Variants in NRG3 observed in about 807,000 individuals in gnomAD.
NRG3 encodes neuregulin 3.
A neutral mutation model predicts 66.9 loss-of-function variants in NRG3; 31 were observed. That is an observed-to-expected ratio of 0.46 (90% CI 0.35 to 0.63). The LOEUF is 0.63. Ranked by LOEUF, NRG3 falls within the 20% of genes least tolerant of loss-of-function variation. The pLI, the probability that NRG3 is intolerant of heterozygous loss-of-function variation, is 0.00. For missense variants in NRG3, 910 were observed against 878.9 expected (o/e 1.04, Z -0.45); for synonymous variants, 393 against 359.4 (o/e 1.09, Z -1.06).
chr10:82,308,178 CTGAT>C (rs2080844699), intron 1 of NRG3, among the ~76,000 whole-genome samples: 3 of 152,100 alleles, frequency 2.0e-5, no homozygotes, highest in Admixed American at 6.6e-5. Flanking sequence ...GATTGATTGA[CTGAT>C]TGAGACAGAG....
At chr10:82,508,694 G>A (rs550035435) in intron 2 of NRG3, among the ~76,000 whole-genome samples, 12 of 152,160 alleles carry the variant, frequency 7.9e-5, no homozygotes, top group South Asian at 6.2e-4. Context: ...AGACTTTATC[G>A]TTCAGACTGG....
At chr10:81,969,081 C>T (rs2059833703) in intron 1 of NRG3, among the ~76,000 whole-genome samples, 1 of 152,070 alleles carries the variant, frequency 6.6e-6, no homozygotes. Flanking sequence ...CTCCTGTCAA[C>T]AGTGGAGCAT....
At chr10:82,195,371 A>G (rs1271075560) in intron 1 of NRG3, among the ~76,000 whole-genome samples, 1 of 152,200 alleles carries the variant, frequency 6.6e-6, no homozygotes, top group Non-Finnish European at 1.5e-5. Context: ...AATAAAAATC[A>G]TAAACAAAAC....
intron 4 of NRG3, among the ~76,000 whole-genome samples, chr10:82,889,949 T>G (rs1414348610): frequency 6.6e-6 from 1 of 152,152 alleles, no homozygotes; most frequent in Non-Finnish European, 1.5e-5. Context: ...TCTTCTGTTT[T>G]GACAAAGATA....
intron 4 of NRG3, among the ~76,000 whole-genome samples, chr10:82,932,315 T>A (rs1847651508): frequency 6.6e-6 from 1 of 152,220 alleles, no homozygotes; most frequent in African/African-American, 2.4e-5. Flanking sequence ...ACAATACAAA[T>A]TGAGTAAATT....
At chr10:82,479,664 CAAAAAAAA>C (rs35572219) in intron 2 of NRG3, among the ~76,000 whole-genome samples, 1 of 59,414 alleles carries the variant, frequency 1.7e-5, no homozygotes, top group African/African-American at 7.0e-5. Flanking sequence ...AACTCTGTCT[CAAAAAAAA>C]AAAAAAAAAA....
intron 2 of NRG3, among the ~76,000 whole-genome samples, chr10:82,671,757 G>A (rs1379500492): frequency 6.6e-6 from 1 of 152,218 alleles, no homozygotes; most frequent in East Asian, 1.9e-4. Flanking sequence ...CTATTCAAAA[G>A]TAGAACCAGA....
In NRG3 at chr10:82,347,016, A is replaced by G. The variant is rs1322933318; in HGVS notation, c.824-11723A>G. Among the ~76,000 whole-genome samples, 11 of 152,016 alleles carry G rather than the reference A, an allele frequency of 7.2e-5. 1 individual carries two copies. The highest frequency in any genetic ancestry group is 2.7e-4 in the African/African-American group (11 of 41,398). ...TTTTGTTGATCCTTTCAAAAAAACC[A>G]GCTCCTGGATTCATTAATTTTTTGA... is the stretch of plus-strand genomic sequence containing the variant. On this transcript the variant is annotated intron_variant, in intron 1 of 8. Transcript: ENST00000372141.
intron 1 of NRG3, among the ~76,000 whole-genome samples, chr10:82,134,115 G>GT (rs1485055738): frequency 5.3e-5 from 8 of 150,708 alleles, no homozygotes. Flanking sequence ...GGGGTTGTTT[G>GT]TTTTTCTCTT....
rs79889465 is a variant in NRG3, at chr10:81,971,313, G to A, written c.823+95150G>A. The stretch of plus-strand genomic sequence containing the variant: ...TAATAGCTTATTAAGGTGAACAGAG[G>A]TCTTGGCATATGGGTGGTATAGAAG... On this transcript the variant is annotated intron_variant, in intron 1 of 8. Transcript: ENST00000372141. Among the ~76,000 whole-genome samples, 389 of 152,300 alleles carry A rather than the reference G, an allele frequency of 2.6e-3. 1 individual carries two copies. The highest frequency in any genetic ancestry group is 9.0e-3 in the African/African-American group (376 of 41,576).
chr10:82,857,093 A>G (rs567692837), intron 3 of NRG3, among the ~76,000 whole-genome samples: 1 of 152,324 alleles, frequency 6.6e-6, no homozygotes, highest in South Asian at 2.1e-4. Context: ...GTCAAAATCC[A>G]TCTCTGAGGA....
At chr10:82,082,330 C>T (rs1482771654) in intron 1 of NRG3, among the ~76,000 whole-genome samples, 1 of 152,216 alleles carries the variant, frequency 6.6e-6, no homozygotes, top group East Asian at 1.9e-4. Context: ...ACCGTAATCT[C>T]TAATATTTAA....
chr10:82,691,614 T>A (rs1165329875), intron 2 of NRG3, among the ~76,000 whole-genome samples: 2 of 152,198 alleles, frequency 1.3e-5, no homozygotes, highest in African/African-American at 4.8e-5. Flanking sequence ...TTTTTATCTG[T>A]GTGAAGGACA....
At chr10:82,674,971 A>ATTTT (rs1005783182) in intron 2 of NRG3, among the ~76,000 whole-genome samples, 2 of 150,458 alleles carry the variant, frequency 1.3e-5, no homozygotes, top group African/African-American at 4.9e-5. Context: ...TTATTTATTT[A>ATTTT]TTTTTTGAGA....
chr10:82,224,404 G>A (rs1401398936), intron 1 of NRG3: 1 of 152,092 alleles, frequency 6.6e-6, no homozygotes, highest in African/African-American at 2.4e-5. Context: ...GAATAAAAAA[G>A]CACTTTTAGA....
chr10:82,425,915 G>A (rs574852720), intron 2 of NRG3, among the ~76,000 whole-genome samples: 13 of 152,136 alleles, frequency 8.5e-5, no homozygotes, highest in South Asian at 2.1e-4. Flanking sequence ...ATAAGCTGCC[G>A]TGAGAGGGGA....
intron 1 of NRG3, among the ~76,000 whole-genome samples, chr10:82,221,875 A>G (rs2075961102): frequency 6.6e-6 from 1 of 152,014 alleles, no homozygotes; most frequent in African/African-American, 2.4e-5. Context: ...TTAGATAGGA[A>G]GAGAAACACA....
In NRG3 at chr10:82,268,022, C is replaced by G. The variant is rs549544437; in HGVS notation, c.824-90717C>G. On this transcript the variant is annotated intron_variant, in intron 1 of 8. Transcript: ENST00000372141. ...AAAAGATGTAGTATGATAGCTAAAA[C>G]TGTTACATGAATATCACTGAGTATT... Among the ~76,000 whole-genome samples the G allele has an allele frequency of 3.9e-5, 6 of 152,296 alleles. No homozygotes were observed. The East Asian group carries it at 1.2e-3, about 29-fold the overall frequency.
At chr10:81,966,647 A>G (rs1193616055) in intron 1 of NRG3, among the ~76,000 whole-genome samples, 2 of 152,110 alleles carry the variant, frequency 1.3e-5, no homozygotes, top group Non-Finnish European at 2.9e-5. Flanking sequence ...CTAATATAAG[A>G]ATGATCAAGA....
Sources: gnomAD v4.1 joint callset for allele counts (sites outside exome capture counted in the v4.1 genomes callset) on GRCh38, gnomAD v4.1.1 for gene constraint, MANE v1.5 for transcripts, NCBI Gene and HGNC (gene_info 2026-07-23, HGNC 2026-07-21) for gene names.